The following MAP9 variants were observed in gnomAD, a reference collection of about 807,000 sequenced individuals.
MAP9 encodes the protein microtubule associated protein 9.
In MAP9, 80 loss-of-function variants were observed where a neutral mutation model predicts 75.2. That is an observed-to-expected ratio of 1.06 (90% CI 0.89 to 1.28). The LOEUF (loss-of-function observed/expected upper bound fraction) is 1.28, where lower values mean the gene tolerates loss of function less well. Among genes scored for constraint, MAP9 ranks in the 50% most tolerant of loss-of-function variants. The pLI is 0.00. For missense variants in MAP9, 753 were observed against 719.9 expected (o/e 1.05, Z -0.53); for synonymous variants, 235 against 237.3 (o/e 0.99, Z 0.09).
At chr4:155,355,391 CATA>C (rs975569905) in intron 9 of MAP9, among the ~76,000 whole-genome samples, 68 of 152,108 alleles carry the variant, frequency 4.5e-4, no homozygotes, top group African/African-American at 1.5e-3. Flanking sequence ...ACTTTTTGTT[CATA>C]ATAACTCCTT....
At chr4:155,359,246 CAG>C (rs1491091291) in intron 7 of MAP9, among the ~76,000 whole-genome samples, 23 of 147,412 alleles carry the variant, frequency 1.6e-4, no homozygotes, top group African/African-American at 5.6e-4. Flanking sequence ...CACACACACA[CAG>C]GAATACTATT....
In MAP9 at chr4:155,353,257, A is replaced by T. The variant is rs1398252740; in HGVS notation, c.1464T>A (p.Ala488=). 6.2e-7 allele frequency: 1 copy of T among 1,608,754 alleles called. No homozygotes were observed. Among genetic ancestry groups the T allele is most frequent in the African/African-American group, 1.3e-5 (1 of 74,708 alleles). ...TTTTTTCTTCAAGCCTCTTTTTGGC[A>T]GCTATTTTCTTTGCTTCCTTTTCTT... is the stretch of plus-strand genomic sequence containing the variant. The part of the protein sequence containing the change: ...AMKEKEAKKI[A]AKKRLEEKNK... The change falls in exon 11 of 14, where the codon GCT becomes GCA. Residue 488 remains alanine (A), a synonymous_variant. Coordinates refer to ENST00000311277, the MANE Select transcript of MAP9 (RefSeq NM_001039580.2).
chr4:155,352,016 A>C (rs896359374), intron 13 of MAP9, among the ~76,000 whole-genome samples: 14 of 152,010 alleles, frequency 9.2e-5, no homozygotes, highest in Non-Finnish European at 1.3e-4. Flanking sequence ...TTTGCTTGAC[A>C]TCAACAAAAA....
chr4:155,345,484 C>T lies in MAP9; in HGVS notation c.*2299G>A, dbSNP rs1356197051. 1 of 151,622 alleles carries T rather than the reference C, an allele frequency of 6.6e-6. No homozygotes were observed. The highest frequency in any genetic ancestry group is 2.4e-5 in the African/African-American group (1 of 41,214). The allele number at this position is 151,622 out of a possible 1,614,324, so 9.4% of individuals were successfully genotyped here. A position where few individuals can be genotyped will look rare whatever the true frequency, so the allele number is the denominator to read the frequency against. The stretch of plus-strand genomic sequence containing the variant: ...GTTTTGTTTTTTTGAGTGTTACAGC[C>T]TGGACTGGCCAGCAAGACAGAAATT... On this transcript the variant is annotated 3_prime_UTR_variant, in exon 14 of 14. Coordinates refer to ENST00000311277, the MANE Select transcript of MAP9 (RefSeq NM_001039580.2).
At chr4:155,359,210 T>TATAC (rs371399839) in intron 7 of MAP9, among the ~76,000 whole-genome samples, 1 of 145,478 alleles carries the variant, frequency 6.9e-6, no homozygotes, top group Non-Finnish European at 1.5e-5. Flanking sequence ...AAAATGTGTA[T>TATAC]ACACACACAC....
chr4:155,342,763 T>A lies in MAP9; in HGVS notation c.*5020A>T, dbSNP rs1452288045. 6.6e-6 allele frequency: 1 copy of A among 152,052 alleles called. No homozygotes were observed. Among genetic ancestry groups the A allele is most frequent in the Non-Finnish European group, 1.5e-5 (1 of 67,962 alleles). The allele number at this position is 152,052 out of a possible 1,614,324, so 9.4% of individuals were successfully genotyped here. On this transcript the variant is annotated 3_prime_UTR_variant, in exon 14 of 14. Transcript: ENST00000311277. The stretch of plus-strand genomic sequence containing the variant: ...TGCACACGCACTGCAGCAAGGTTAA[T>A]CCTGTATGTGAAAACCTCTGAGTGA...
In MAP9 at chr4:155,352,482, G is replaced by C. The variant is rs1170020725; in HGVS notation, c.1821+114C>G. ...AGGAGAGCTTGAATTCAACAAAGCA[G>C]ATTCCAGGTAGAAATGATCAGTAGG... is the stretch of plus-strand genomic sequence containing the variant. On this transcript the variant is annotated intron_variant, in intron 13 of 13. Coordinates refer to ENST00000311277, the MANE Select transcript of MAP9 (RefSeq NM_001039580.2). The C allele has an allele frequency of 4.8e-6, 5 of 1,040,914 alleles. No homozygotes were observed. The East Asian group carries it at 1.1e-4, about 22-fold the overall frequency. The allele number at this position is 1,040,914 out of a possible 1,614,324, so 64.5% of individuals were successfully genotyped here. A position where few individuals can be genotyped will look rare whatever the true frequency, so the allele number is the denominator to read the frequency against.
Position 155,368,738 on chromosome 4 carries a change from T to G in MAP9, c.556A>C (p.Ser186Arg). 6.2e-7 allele frequency: 1 copy of G among 1,614,138 alleles called. No individual in the cohort carries two copies. The highest frequency in any genetic ancestry group is 8.5e-7 in the Non-Finnish European group (1 of 1,179,962). Reference protein sequence around the residue: ...PRPRSMLKKKSHMEEKDGLED... With the variant: ...PRPRSMLKKKRHMEEKDGLED... The stretch of plus-strand genomic sequence containing the variant: ...AGTCCATCCTTCTCCTCCATGTGAC[T>G]TTTCTTTTTCAACATACTCCTTGGC... Residue 186 changes from serine to arginine, a missense_variant, in exon 5 of 14, where the codon AGT becomes CGT. By Grantham distance (110) the Ser-to-Arg change is moderately radical. Transcript: ENST00000311277.
At chr4:155,357,867 A>C (rs1031194549) in intron 7 of MAP9, among the ~76,000 whole-genome samples, 19 of 152,226 alleles carry the variant, frequency 1.2e-4, no homozygotes, top group African/African-American at 4.6e-4. Context: ...GGCCCACCGA[A>C]AGGTCTATGA....
intron 3 of MAP9, among the ~76,000 whole-genome samples, chr4:155,373,753 G>A (rs990650406): frequency 2.6e-5 from 4 of 152,054 alleles, no homozygotes; most frequent in African/African-American, 9.7e-5. Context: ...GCCATCCAAA[G>A]GTCCCTAACA....
At chr4:155,351,962 C>CA (rs1241783899) in intron 13 of MAP9, among the ~76,000 whole-genome samples, 1 of 151,862 alleles carries the variant, frequency 6.6e-6, no homozygotes, top group Non-Finnish European at 1.5e-5. Context: ...TAAACATGGA[C>CA]AAAATGCATA....
At chr4:155,352,836 A>C in intron 12 of MAP9, 76 bp downstream of exon 12, 1 of 1,423,230 alleles carries the variant, frequency 7.0e-7, no homozygotes, top group Non-Finnish European at 9.6e-7. Context: ...CTAAATTTCA[A>C]GTAAATAAAT....
chr4:155,347,925 C>CTA lies in MAP9; in HGVS notation c.1822-22_1822-21dup. Reference sequence around the variant, plus strand: ...ATTTTCCTAAAGAGAAAATAGAACACTATAAATTTATGTACATATATGATT... The same window carrying CTA: ...ATTTTCCTAAAGAGAAAATAGAACACTATATAAATTTATGTACATATATGATT... On this transcript the variant is annotated intron_variant, in intron 13 of 13. Coordinates refer to ENST00000311277, the MANE Select transcript of MAP9 (RefSeq NM_001039580.2). 1 of 1,384,098 alleles carries CTA rather than the reference C, an allele frequency of 7.2e-7. No homozygotes were observed. The highest frequency in any genetic ancestry group is 1.0e-6 in the Non-Finnish European group (1 of 998,374). 85.7% of individuals were successfully genotyped at this position (1,384,098 alleles called of 1,614,324 possible).
At chr4:155,356,894 A>G (rs934783341) in intron 8 of MAP9, among the ~76,000 whole-genome samples, 2 of 152,222 alleles carry the variant, frequency 1.3e-5, no homozygotes. Flanking sequence ...GTTTTTGATT[A>G]GCACTTATGA....
chr4:155,348,563 CAA>C (rs1314468134), intron 13 of MAP9, among the ~76,000 whole-genome samples: 5 of 152,002 alleles, frequency 3.3e-5, no homozygotes, highest in Non-Finnish European at 7.4e-5. Flanking sequence ...TTACTGGGTG[CAA>C]AGTTTCAATA....
Position 155,355,761 on chromosome 4 carries a change from G to A in MAP9, c.1245C>T (p.Ser415=), listed in dbSNP as rs559222005. 17 of 1,613,808 alleles carry A rather than the reference G, an allele frequency of 1.1e-5. No homozygotes were observed. The highest frequency in any genetic ancestry group is 2.2e-5 in the South Asian group (2 of 91,074). The change falls in exon 9 of 14, where the codon AGC becomes AGT. Residue 415 remains serine, a synonymous_variant. Transcript: ENST00000311277. ...TGTTATCTGCTCTATCAGGTTCTAT[G>A]CTCTGTTTCTGTGAAGGTTTTTGGT... ...VLDQKPSQKQ[S]IEPDRADNIR...
chr4:155,363,893 G>C (rs1180620756), intron 5 of MAP9, among the ~76,000 whole-genome samples: 1 of 152,060 alleles, frequency 6.6e-6, no homozygotes, highest in South Asian at 2.1e-4. Flanking sequence ...TTCAATGCAT[G>C]TGTAACTACA....
In MAP9 at chr4:155,373,515, GTTAAC is replaced by G; in HGVS notation, c.161-64_161-60del. 5.2e-6 allele frequency: 6 copies of G among 1,156,562 alleles called. 1 individual carries two copies. Among genetic ancestry groups the G allele is most frequent in the South Asian group, 3.7e-5 (2 of 53,844 alleles). The allele number at this position is 1,156,562 out of a possible 1,614,324, so 71.6% of individuals were successfully genotyped here. A position where few individuals can be genotyped will look rare whatever the true frequency, so the allele number is the denominator to read the frequency against. ...TATTTTTAAAAATTGTCAAGGTTAC[GTTAAC>G]TTAATCAAAGTTTACCTTAAAAGCT... On this transcript the variant is annotated intron_variant, in intron 3 of 13. Transcript: ENST00000311277.
chr4:155,347,811 C>T lies in MAP9; in HGVS notation c.1916G>A (p.Ser639Asn), dbSNP rs767092530. 6.2e-7 allele frequency: 1 copy of T among 1,610,652 alleles called. No homozygotes were observed. The highest frequency in any genetic ancestry group is 2.2e-5 in the East Asian group (1 of 44,606). Reference sequence around the variant, plus strand: ...AAACACTTTTGCGAACACAGTTCTGCTTGGAGGGCTCCACGGAGGAAGTGC... The same window carrying T: ...AAACACTTTTGCGAACACAGTTCTGTTTGGAGGGCTCCACGGAGGAAGTGC... ...SEALPPWSPP[S>N]RTVFAKVF Residue 639 changes from serine to asparagine, a missense_variant, in exon 14 of 14, where the codon AGC (serine) becomes AAC (asparagine). Coordinates refer to ENST00000311277, the MANE Select transcript of MAP9 (RefSeq NM_001039580.2).
Sources: gnomAD v4.1 joint callset for allele counts (sites outside exome capture counted in the v4.1 genomes callset) on GRCh38, gnomAD v4.1.1 for gene constraint, MANE v1.5 for transcripts, NCBI Gene and HGNC (gene_info 2026-07-23, HGNC 2026-07-21) for gene names.